The following LYRM4 variants were observed in gnomAD, a reference collection of about 807,000 sequenced individuals.
LYRM4 encodes the protein LYR motif containing 4.
In LYRM4, 9 loss-of-function variants were observed where a neutral mutation model predicts 11.7. The observed-to-expected ratio is 0.77, with a 90% confidence interval of 0.46 to 1.34. The LOEUF is 1.34. Ranked by LOEUF, LYRM4 falls within the 40% of genes most tolerant of loss-of-function variation. LYRM4 has a pLI of 0.00. For synonymous variants in LYRM4, 42 were observed against 40.4 expected, an observed-to-expected ratio of 1.04 and a Z score of -0.15; for missense variants, 133 against 112.5, an observed-to-expected ratio of 1.18 and a Z score of -0.82.
the LYRM4 span, chr6:5,066,846 T>A: frequency 1.2e-6 from 1 of 823,328 alleles, no homozygotes; most frequent in South Asian, 1.6e-5. Flanking sequence ...CGGAGAGGAG[T>A]CAGACAGGCC....
chr6:5,046,005 C>T, the LYRM4 span, among the ~76,000 whole-genome samples: 8 of 152,238 alleles, frequency 5.3e-5, no homozygotes, highest in South Asian at 2.1e-4. Context: ...TGCATGAGCA[C>T]GGGGCACTCT....
chr6:5,059,132 G>A, the LYRM4 span, among the ~76,000 whole-genome samples: 211 of 152,108 alleles, frequency 1.4e-3, 2 homozygotes, highest in East Asian at 0.03. Flanking sequence ...CTTGAGCCCC[G>A]GAGTTCAAGA....
intron 2 of LYRM4, among the ~76,000 whole-genome samples, chr6:5,125,556 C>A (rs1763662612): frequency 6.6e-6 from 1 of 152,182 alleles, no homozygotes; most frequent in Non-Finnish European, 1.5e-5. Context: ...TCAGGGCAAG[C>A]CCTGGCAGAA....
the LYRM4 span, chr6:5,065,872 T>C: frequency 3.8e-6 from 1 of 261,220 alleles, no homozygotes; most frequent in Non-Finnish European, 7.3e-6. Context: ...AAAAAGTTTT[T>C]TGAAGTCTTG....
chr6:5,174,441 G>A (rs1249939454), intron 2 of LYRM4, among the ~76,000 whole-genome samples: 2 of 152,138 alleles, frequency 1.3e-5, no homozygotes, highest in Non-Finnish European at 2.9e-5. Flanking sequence ...GTAATGAGGA[G>A]AGACAGACGG....
rs1262408451 is a variant in LYRM4 at position 5,109,176 on chromosome 6, CGTG to C, written c.*244_*246del. On this transcript the variant is annotated 3_prime_UTR_variant, in exon 3 of 3. Transcript: ENST00000330636. The stretch of plus-strand genomic sequence containing the variant: ...AGGTAGGAATGGGGTGCAGGGGAGA[CGTG>C]GTAACACACAGCACTATTCTGAACG... 38 of 1,350,752 alleles carry C rather than the reference CGTG, an allele frequency of 2.8e-5. No individual in the cohort carries two copies. Among genetic ancestry groups the C allele is most frequent in the Non-Finnish European group, 3.5e-5 (37 of 1,047,978 alleles). 83.7% of individuals were successfully genotyped at this position (1,350,752 alleles called of 1,614,324 possible).
intron 2 of LYRM4, among the ~76,000 whole-genome samples, chr6:5,185,266 A>G (rs1374997303): frequency 6.6e-6 from 1 of 152,212 alleles, no homozygotes; most frequent in Non-Finnish European, 1.5e-5. Flanking sequence ...AACAATGACC[A>G]AGCATCTGCC....
At chr6:5,063,951 G>T in the LYRM4 span, among the ~76,000 whole-genome samples, 16 of 152,224 alleles carry the variant, frequency 1.1e-4, no homozygotes, top group Non-Finnish European at 2.9e-5. Flanking sequence ...GCCAGGCCAG[G>T]GGCAGTGGCT....
intron 1 of LYRM4, among the ~76,000 whole-genome samples, chr6:5,230,677 G>A (rs1763184748): frequency 6.6e-6 from 1 of 152,116 alleles, no homozygotes; most frequent in Admixed American, 6.6e-5. Flanking sequence ...AAGCACAAAC[G>A]ATGAAAATTC....
At chr6:5,068,263 C>T in the LYRM4 span, among the ~76,000 whole-genome samples, 3 of 152,204 alleles carry the variant, frequency 2.0e-5, no homozygotes, top group Non-Finnish European at 4.4e-5. This position sits in a 1 kb window ranked among gnomAD's most constrained non-coding sequence, Gnocchi z 4.0. Flanking sequence ...CAACCATCGT[C>T]CGCTGGGGAG....
intron 2 of LYRM4, among the ~76,000 whole-genome samples, chr6:5,115,347 G>A (rs1311476780): frequency 6.6e-6 from 1 of 152,174 alleles, no homozygotes; most frequent in African/African-American, 2.4e-5. Context: ...AGGCTTTGGC[G>A]GCACACTTAT....
chr6:5,229,264 C>T (rs1181637599), intron 1 of LYRM4, among the ~76,000 whole-genome samples: 2 of 152,066 alleles, frequency 1.3e-5, no homozygotes, highest in African/African-American at 4.8e-5. Flanking sequence ...TGGACAATCA[C>T]TTTGGAAACA....
chr6:5,257,831 G>T (rs557488918), intron 1 of LYRM4, among the ~76,000 whole-genome samples: 2 of 152,292 alleles, frequency 1.3e-5, no homozygotes, highest in Admixed American at 1.3e-4. Flanking sequence ...TGCCAAGAAG[G>T]TTGGGGATAG....
the LYRM4 span, among the ~76,000 whole-genome samples, chr6:5,073,906 G>A: frequency 1.3e-5 from 2 of 152,164 alleles, no homozygotes; most frequent in African/African-American, 4.8e-5. Flanking sequence ...GTTCTTCTGC[G>A]ACTGGCTGGC....
intron 2 of LYRM4, among the ~76,000 whole-genome samples, chr6:5,192,762 G>C (rs570596723): frequency 3.3e-5 from 5 of 152,164 alleles, no homozygotes; most frequent in African/African-American, 9.6e-5. Flanking sequence ...GCGGTGGCCC[G>C]CGCCTGTAAT....
chr6:5,088,858 TTC>T, the LYRM4 span: 1 of 152,310 alleles, frequency 6.6e-6, no homozygotes, highest in South Asian at 2.1e-4. Context: ...ACCTGTTGCC[TTC>T]TTTCACCTAA....
At chr6:5,147,906 A>G (rs1757819113) in intron 2 of LYRM4, among the ~76,000 whole-genome samples, 1 of 152,188 alleles carries the variant, frequency 6.6e-6, no homozygotes, top group Non-Finnish European at 1.5e-5. Context: ...CACGCTGATG[A>G]GAGATTACTG....
chr6:5,051,598 C>T, the LYRM4 span, among the ~76,000 whole-genome samples: 3 of 152,172 alleles, frequency 2.0e-5, no homozygotes, highest in African/African-American at 7.2e-5. Context: ...CAAAACTATC[C>T]TTTAAAAATG....
At chr6:5,164,564 G>C (rs1489889721) in intron 2 of LYRM4, among the ~76,000 whole-genome samples, 1 of 152,202 alleles carries the variant, frequency 6.6e-6, no homozygotes, top group Non-Finnish European at 1.5e-5. Flanking sequence ...GGATAGTGCT[G>C]ATTGGTGGTG....
Sources: gnomAD v4.1 joint callset for allele counts (sites outside exome capture counted in the v4.1 genomes callset) on GRCh38, gnomAD v4.1.1 for gene constraint, Gnocchi (gnomAD v3.1) non-coding constraint, MANE v1.5 for transcripts, NCBI Gene and HGNC (gene_info 2026-07-23, HGNC 2026-07-21) for gene names.